MPHOSPH6: variants seen among roughly 807,000 people sequenced by gnomAD.
MPHOSPH6 encodes the protein M-phase phosphoprotein 6.
MPHOSPH6 carries 25 observed loss-of-function variants against 21.8 expected under a neutral mutation model. The ratio of observed to expected loss-of-function variants is 1.15; its 90% CI spans 0.83 to 1.60. The LOEUF (loss-of-function observed/expected upper bound fraction) is 1.60, where lower values mean the gene tolerates loss of function less well. Ranked by LOEUF, MPHOSPH6 falls within the 40% of genes most tolerant of loss-of-function variation. The pLI is 0.00. For synonymous variants in MPHOSPH6, 84 were observed against 56.5 expected, an observed-to-expected ratio of 1.49 and a Z score of -2.18; for missense variants, 269 against 181.8, an observed-to-expected ratio of 1.48 and a Z score of -2.76.
chr16:82,155,240 G>C (rs1906392498), intron 2 of MPHOSPH6, among the ~76,000 whole-genome samples: 1 of 152,220 alleles, frequency 6.6e-6, no homozygotes, highest in East Asian at 1.9e-4. Context: ...GTGTAATAGA[G>C]AGAAAGTAAA....
intron 2 of MPHOSPH6, among the ~76,000 whole-genome samples, chr16:82,154,017 C>T (rs148267999): frequency 0.012 from 1,784 of 152,124 alleles, 40 homozygotes; most frequent in African/African-American, 0.041. Context: ...CTGTAATTTA[C>T]TCATATACCA....
At chr16:82,154,319 T>C (rs1251422754) in intron 2 of MPHOSPH6, among the ~76,000 whole-genome samples, 1 of 152,180 alleles carries the variant, frequency 6.6e-6, no homozygotes, top group Non-Finnish European at 1.5e-5. Context: ...TCAAGCTGAT[T>C]GGCATGTAAG....
chr16:82,151,911 G>A (rs988441235), intron 2 of MPHOSPH6, among the ~76,000 whole-genome samples: 2 of 152,244 alleles, frequency 1.3e-5, no homozygotes, highest in South Asian at 4.1e-4. Flanking sequence ...TACACATACA[G>A]TATACAGTGA....
chr16:82,166,253 G>A (rs1906775977), intron 1 of MPHOSPH6, among the ~76,000 whole-genome samples: 1 of 152,224 alleles, frequency 6.6e-6, no homozygotes, highest in South Asian at 2.1e-4. Context: ...CAAGTTTGCA[G>A]ACTAGTGTTT....
At chr16:82,158,364 C>A (rs1004601064) in intron 2 of MPHOSPH6, among the ~76,000 whole-genome samples, 1 of 150,574 alleles carries the variant, frequency 6.6e-6, no homozygotes, top group Non-Finnish European at 1.5e-5. Context: ...CTGGGCATAG[C>A]GGCGGGTGCC....
chr16:82,149,472 C>A, intron 3 of MPHOSPH6, 69 bp from the exon 4 acceptor site: 2 of 1,344,194 alleles, frequency 1.5e-6, no homozygotes, highest in Non-Finnish European at 2.1e-6. Context: ...GTCAAACTTA[C>A]CTGAAGGCAG....
chr16:82,161,207 A>C (rs1185102149), intron 2 of MPHOSPH6, among the ~76,000 whole-genome samples: 1 of 152,152 alleles, frequency 6.6e-6, no homozygotes, highest in African/African-American at 2.4e-5. Context: ...TCTCTTTGTT[A>C]ATCTGTCTTT....
chr16:82,170,171 G>T lies in MPHOSPH6; in HGVS notation c.5C>A (p.Ala2Glu), dbSNP rs769627500. Residue 2 changes from alanine to glutamate, a missense_variant, in exon 1 of 5, where the codon GCG (alanine) becomes GAG (glutamate). By Grantham distance (107) the Ala-to-Glu change is moderately radical. Coordinates refer to ENST00000258169, the MANE Select transcript of MPHOSPH6 (RefSeq NM_005792.2). Reference sequence around the variant, plus strand: ...GGACAACCTTGTCTTTCGCTCGGCCGCCATGGTAGCTTCCGCCCAGCGCCG... The same window carrying T: ...GGACAACCTTGTCTTTCGCTCGGCCTCCATGGTAGCTTCCGCCCAGCGCCG... M[A>E]AERKTRLSKN... The T allele has an allele frequency of 1.9e-6, 3 of 1,590,004 alleles. No individual in the cohort carries two copies. The highest frequency in any genetic ancestry group is 2.6e-6 in the Non-Finnish European group (3 of 1,169,092).
At position 82,148,406 on chromosome 16, in the gene MPHOSPH6, G is replaced by A. The variant is rs1056654; in HGVS notation, c.*325C>T. 27,354 of 198,032 alleles carry A rather than the reference G, an allele frequency of 0.14. 2,654 individuals are homozygous for A. Among genetic ancestry groups the A allele is most frequent in the Admixed American group, 0.34 (5,730 of 16,900 alleles). 12.3% of individuals were successfully genotyped at this position (198,032 alleles called of 1,614,324 possible). A position where few individuals can be genotyped will look rare whatever the true frequency, so the allele number is the denominator to read the frequency against. On this transcript the variant is annotated 3_prime_UTR_variant, in exon 5 of 5. Transcript: ENST00000258169. Reference sequence around the variant, plus strand: ...AAGGGCAATTTAAACATTGGCAGTAGTTTATGTAAGTCAATTCAAGGTCAG... The same window carrying A: ...AAGGGCAATTTAAACATTGGCAGTAATTTATGTAAGTCAATTCAAGGTCAG...
intron 2 of MPHOSPH6, chr16:82,162,276 C>T (rs1227979861): frequency 6.6e-6 from 1 of 152,254 alleles, no homozygotes; most frequent in African/African-American, 2.4e-5. Flanking sequence ...GACTTCAGAG[C>T]CCATGTGCTT....
At chr16:82,168,799 C>G (rs1352031130) in intron 1 of MPHOSPH6, among the ~76,000 whole-genome samples, 1 of 152,152 alleles carries the variant, frequency 6.6e-6, no homozygotes, top group African/African-American at 2.4e-5. Context: ...TGAATGCTTC[C>G]TTCCCTCTTT....
chr16:82,149,535 T>C (rs1906195954), intron 3 of MPHOSPH6, 132 bp from the exon 4 acceptor site: 1 of 743,376 alleles, frequency 1.3e-6, no homozygotes, highest in Non-Finnish European at 2.3e-6. Context: ...TAAGGGACTC[T>C]CTGTAATACT....
chr16:82,169,943 T>C, intron 1 of MPHOSPH6, 182 bp downstream of exon 1: 2 of 684,234 alleles, frequency 2.9e-6, no homozygotes, highest in Non-Finnish European at 4.4e-6. Flanking sequence ...GTCGGCCTAA[T>C]TCGTAAGCTG....
intron 2 of MPHOSPH6, among the ~76,000 whole-genome samples, chr16:82,155,581 T>TA (rs986568660): frequency 6.6e-6 from 1 of 152,130 alleles, no homozygotes; most frequent in African/African-American, 2.4e-5. Context: ...GACTTAGAGA[T>TA]AAACAATGCA....
Position 82,170,188 on chromosome 16 carries a change from C to G in MPHOSPH6, c.-13G>C. On this transcript the variant is annotated 5_prime_UTR_variant, in exon 1 of 5. Coordinates refer to ENST00000258169, the MANE Select transcript of MPHOSPH6 (RefSeq NM_005792.2). ...GCTCGGCCGCCATGGTAGCTTCCGC[C>G]CAGCGCCGCACTCCGGCCGCGAGCC... is the stretch of plus-strand genomic sequence containing the variant. The G allele has an allele frequency of 6.3e-7, 1 of 1,577,270 alleles. No individual in the cohort carries two copies. The highest frequency in any genetic ancestry group is 1.1e-5 in the South Asian group (1 of 87,392).
In MPHOSPH6 at chr16:82,149,369, G is replaced by A. The variant is rs932790730; in HGVS notation, c.290C>T (p.Ala97Val). Residue 97 changes from alanine (A) to valine (V), a missense_variant, in exon 4 of 5, where the codon GCA (alanine) becomes GTA (valine). Physicochemically the swap from Ala to Val is moderately conservative, Grantham distance 64. Coordinates refer to ENST00000258169, the MANE Select transcript of MPHOSPH6 (RefSeq NM_005792.2). ...TACTGTTTCATCTTCAACTTCTTCT[G>A]CTTTGTGCTTAGCATTCATCTGAAG... Reference protein sequence around the residue: ...LMLQMNAKHKAEEVEDETVEL... With the variant: ...LMLQMNAKHKVEEVEDETVEL... 2.5e-6 allele frequency: 4 copies of A among 1,612,814 alleles called. No homozygotes were observed. The highest frequency in any genetic ancestry group is 3.4e-6 in the Non-Finnish European group (4 of 1,180,026).
At chr16:82,149,933 T>A (rs528983207) in intron 3 of MPHOSPH6, among the ~76,000 whole-genome samples, 83 of 151,894 alleles carry the variant, frequency 5.5e-4, no homozygotes, top group African/African-American at 2.0e-3. Context: ...GGATAATGCA[T>A]CCCATGTAAC....
intron 3 of MPHOSPH6, chr16:82,151,144 C>G: frequency 4.3e-6 from 1 of 234,806 alleles, no homozygotes; most frequent in Non-Finnish European, 8.2e-6. Flanking sequence ...TGAATAAAAT[C>G]TTGACGTTCC....
chr16:82,151,283 GC>G, intron 3 of MPHOSPH6, 140 bp downstream of exon 3: 1 of 1,218,970 alleles, frequency 8.2e-7, no homozygotes, highest in Non-Finnish European at 1.1e-6. Context: ...TCTTTAAATA[GC>G]TATGGCGATA....
Sources: gnomAD v4.1 joint callset for allele counts (sites outside exome capture counted in the v4.1 genomes callset) on GRCh38, gnomAD v4.1.1 for gene constraint, MANE v1.5 for transcripts, NCBI Gene and HGNC (gene_info 2026-07-23, HGNC 2026-07-21) for gene names.